Variants in PCDHA7 observed in about 807,000 individuals in gnomAD.
The protein encoded by PCDHA7 is protocadherin alpha 7.
PCDHA7 carries 37 observed loss-of-function variants against 57.2 expected under a neutral mutation model. The observed-to-expected ratio is 0.65, with a 90% confidence interval of 0.50 to 0.85. The LOEUF is 0.85. PCDHA7 is among the 40% of genes least tolerant of loss of function. PCDHA7 has a pLI of 0.00. For missense variants in PCDHA7, 1,188 were observed against 1,241.8 expected (o/e 0.96, Z 0.65); for synonymous variants, 553 against 558.8 (o/e 0.99, Z 0.15).
At chr5:140,884,376 C>T (rs1554181489) in intron 1 of PCDHA7, 2 of 1,613,982 alleles carry the variant, frequency 1.2e-6, no homozygotes, top group Non-Finnish European at 1.7e-6. Context: ...TTGATCATTG[C>T]CATCTGCGCG....
Position 140,908,048 on chromosome 5 carries a change from C to T in PCDHA7, c.2356-70901C>T, listed in dbSNP as rs143198443. On this transcript the variant is annotated intron_variant, in intron 1 of 3. Transcript: ENST00000525929. The stretch of plus-strand genomic sequence containing the variant: ...ATTAATCAGTATATAATTGCACATC[C>T]GGCCATTTCTCCTTCATGAAAAGTG... 1.1e-3 allele frequency among the ~76,000 whole-genome samples: 169 copies of T among 152,294 alleles called. 1 individual carries two copies. The East Asian group carries it at 0.023, about 21-fold the overall frequency.
intron 1 of PCDHA7, chr5:140,966,561 G>T: frequency 2.0e-6 from 1 of 488,962 alleles, no homozygotes; most frequent in African/African-American, 2.0e-5. Flanking sequence ...GGAGGAGCTG[G>T]AATATGGGGA....
chr5:140,876,953 T>G (rs1455444799), intron 1 of PCDHA7: 6 of 1,613,306 alleles, frequency 3.7e-6, no homozygotes, highest in African/African-American at 1.3e-5. Flanking sequence ...TCCTACTCGC[T>G]GGTGGAGCGG....
At position 141,011,939 on chromosome 5, in the gene PCDHA7, A is replaced by T. The variant is rs955936849; in HGVS notation, c.*2002A>T. 5 of 153,690 alleles carry T rather than the reference A, an allele frequency of 3.3e-5. No individual in the cohort carries two copies. The highest frequency in any genetic ancestry group is 1.2e-4 in the African/African-American group (5 of 41,448). The allele number at this position is 153,690 out of a possible 1,614,324, so 9.5% of individuals were successfully genotyped here. A position where few individuals can be genotyped will look rare whatever the true frequency, so the allele number is the denominator to read the frequency against. On this transcript the variant is annotated 3_prime_UTR_variant, in exon 4 of 4. Coordinates refer to ENST00000525929, the MANE Select transcript of PCDHA7 (RefSeq NM_018910.3). ...TAAAAGAGGTAGGAGTCTGTTATTT[A>T]AAAAAAGCATTAAATTTAAAAAAAA...
At chr5:140,872,573 C>T (rs1400699707) in intron 1 of PCDHA7, among the ~76,000 whole-genome samples, 1 of 152,068 alleles carries the variant, frequency 6.6e-6, no homozygotes, top group African/African-American at 2.4e-5. Flanking sequence ...GCTGCAGTGA[C>T]CTATCATCGT....
intron 1 of PCDHA7, chr5:140,857,903 A>C (rs1554150826): frequency 6.3e-7 from 1 of 1,597,806 alleles, no homozygotes; most frequent in East Asian, 2.2e-5. Context: ...TGGTGCACGC[A>C]TCCCGTTTCG....
chr5:140,858,711 A>T, intron 1 of PCDHA7: 1 of 537,382 alleles, frequency 1.9e-6, no homozygotes, highest in East Asian at 3.0e-5. Context: ...TATGTGATAT[A>T]GGTTGCAGTT....
At position 141,010,329 on chromosome 5, in the gene PCDHA7, GTTTGTGGCCACTGGGTA is replaced by G. The variant is rs1554262887; in HGVS notation, c.*394_*410del. The G allele has an allele frequency of 1.9e-6, 3 of 1,538,554 alleles. No individual in the cohort carries two copies. The East Asian group carries it at 7.3e-5, about 38-fold the overall frequency. ...AGTTTTGAGATTGAGCAGCTTGGGA[GTTTGTGGCCACTGGGTA>G]TGTGTGGCTACCGCGGGTATGCGAG... On this transcript the variant is annotated 3_prime_UTR_variant, in exon 4 of 4. Coordinates refer to ENST00000525929, the MANE Select transcript of PCDHA7 (RefSeq NM_018910.3).
chr5:140,852,939 T>C (rs995213458), intron 1 of PCDHA7: 2 of 590,456 alleles, frequency 3.4e-6, no homozygotes, highest in Non-Finnish European at 4.4e-6. Context: ...AGTGCAGTGG[T>C]GCCATCTTGG....
chr5:140,876,967 G>T lies in PCDHA7; in HGVS notation c.2355+40229G>T, dbSNP rs200960356. On this transcript the variant is annotated intron_variant, in intron 1 of 3. Coordinates refer to ENST00000525929, the MANE Select transcript of PCDHA7 (RefSeq NM_018910.3). ...GTCCTACTCGCTGGTGGAGCGGCGG[G>T]TGGGCGAGCACGCACTGTCGAGCTA... The T allele has an allele frequency of 3.1e-6, 5 of 1,613,050 alleles. No homozygotes were observed. The South Asian group carries it at 3.3e-5, about 11-fold the overall frequency.
At chr5:140,913,810 T>C (rs2076475017) in intron 1 of PCDHA7, among the ~76,000 whole-genome samples, 1 of 152,224 alleles carries the variant, frequency 6.6e-6, no homozygotes, top group South Asian at 2.1e-4. Context: ...AAATTTTCAA[T>C]TTCCTTTTAA....
At chr5:140,900,422 C>G (rs1422913254) in intron 1 of PCDHA7, among the ~76,000 whole-genome samples, 1 of 152,142 alleles carries the variant, frequency 6.6e-6, no homozygotes, top group East Asian at 1.9e-4. Context: ...GGATTATAGG[C>G]ACGTGCCACC....
rs1049748990 is a variant in PCDHA7 at position 140,844,585 on chromosome 5, G to A, written c.2355+7847G>A. Among the ~76,000 whole-genome samples the A allele has an allele frequency of 2.7e-5, 4 of 149,128 alleles. 1 individual carries two copies. Among genetic ancestry groups the A allele is most frequent in the Non-Finnish European group, 6.0e-5 (4 of 66,698 alleles). ...TTTCAATAATATTCCACATTAAAGT[G>A]ATATTTAATATATGACTTAGAAAAA... On this transcript the variant is annotated intron_variant, in intron 1 of 3. Coordinates refer to ENST00000525929, the MANE Select transcript of PCDHA7 (RefSeq NM_018910.3).
At chr5:140,873,403 G>A (rs2054270816) in intron 1 of PCDHA7, among the ~76,000 whole-genome samples, 1 of 152,046 alleles carries the variant, frequency 6.6e-6, no homozygotes, top group South Asian at 2.1e-4. Flanking sequence ...TTCAGTACAG[G>A]TTAAAATTTT....
At chr5:140,972,612 C>T (rs1554234244) in intron 1 of PCDHA7, among the ~76,000 whole-genome samples, 2 of 151,080 alleles carry the variant, frequency 1.3e-5, no homozygotes, top group African/African-American at 4.9e-5. Context: ...GAACTTGATA[C>T]TGAATGTTGT....
At chr5:140,959,090 G>A (rs797041561) in intron 1 of PCDHA7, among the ~76,000 whole-genome samples, 2 of 151,986 alleles carry the variant, frequency 1.3e-5, no homozygotes, top group African/African-American at 2.4e-5. Flanking sequence ...CCTTGGTTTC[G>A]GACATTCAGC....
At chr5:140,846,314 A>T (rs888599535) in intron 1 of PCDHA7, among the ~76,000 whole-genome samples, 1 of 148,000 alleles carries the variant, frequency 6.8e-6, no homozygotes, top group African/African-American at 2.5e-5. Context: ...CCATTTATGT[A>T]GAGTGTTGTA....
In PCDHA7 at chr5:140,843,548, A is replaced by G. The variant is rs2150362453; in HGVS notation, c.2355+6810A>G. ...GGGCAAGCCCACTCTGGTGTGCTCC[A>G]GTGCGGTGGGGAGCTGGTCATACTC... On this transcript the variant is annotated intron_variant, in intron 1 of 3. Coordinates refer to ENST00000525929, the MANE Select transcript of PCDHA7 (RefSeq NM_018910.3). 4 of 1,595,966 alleles carry G rather than the reference A, an allele frequency of 2.5e-6. 1 individual carries two copies. The South Asian group carries it at 4.4e-5, about 18-fold the overall frequency.
chr5:140,862,656 C>T, intron 1 of PCDHA7: 1 of 545,296 alleles, frequency 1.8e-6, no homozygotes, highest in Admixed American at 1.9e-5. Flanking sequence ...CCGCGCGGGA[C>T]CGGGACGCGC....
Sources: allele counts gnomAD v4.1 joint callset (sites outside exome capture counted in the v4.1 genomes callset), GRCh38; gene constraint gnomAD v4.1.1; transcripts MANE v1.5; gene names NCBI Gene and HGNC (gene_info 2026-07-23, HGNC 2026-07-21).